The following TMEM183A variants were observed in gnomAD, a reference collection of about 807,000 sequenced individuals.
TMEM183A encodes the protein chromosome 1 open reading frame 37.
Under a neutral mutation model 46.7 loss-of-function variants are expected in TMEM183A, and 21 were observed. That is an observed-to-expected ratio of 0.45 (90% confidence interval 0.32 to 0.65). TMEM183A has a LOEUF of 0.65. Among genes scored for constraint, TMEM183A ranks in the 30% least tolerant of loss-of-function variants. The probability of loss-of-function intolerance (pLI) is 0.04; values close to 1 mark genes in which losing one functional copy is unlikely to be tolerated. For synonymous variants in TMEM183A, 165 were observed against 180.2 expected, an observed-to-expected ratio of 0.92 and a Z score of 0.68; for missense variants, 331 against 481.9, an observed-to-expected ratio of 0.69 and a Z score of 2.93.
chr1:203,007,934 T>A (rs1157878504), intron 2 of TMEM183A, 71 bp downstream of exon 2: 4 of 1,575,696 alleles, frequency 2.5e-6, no homozygotes, highest in Non-Finnish European at 3.5e-6. Context: ...TCTGTTTTTC[T>A]TGCAGTCCTT....
At chr1:203,008,001 T>C in intron 2 of TMEM183A, 138 bp downstream of exon 2, 1 of 1,031,256 alleles carries the variant, frequency 9.7e-7, no homozygotes, top group Non-Finnish European at 1.4e-6. Flanking sequence ...CATATTGGGG[T>C]GGAGGAGGAT....
In TMEM183A at chr1:203,020,912, C is replaced by T. The variant is rs150847027; in HGVS notation, c.909C>T (p.Ile303=). 8.7e-6 allele frequency: 14 copies of T among 1,605,814 alleles called. No homozygotes were observed. In the African/African-American group the frequency reaches 1.6e-4, roughly 19 times the overall value. Residue 303 remains isoleucine (I), a synonymous_variant, in exon 7 of 8, where the codon ATC becomes ATT. Transcript: ENST00000367242. ...CLLQVTTLNF[I]FIPIVMGMIF... ...TGCAGGTCACCACCCTCAATTTCATCTTTATTCCGATTGTCATGGGAATGA... is the reference window on the plus strand; with the variant it reads ...TGCAGGTCACCACCCTCAATTTCATTTTTATTCCGATTGTCATGGGAATGA...
chr1:203,012,060 T>G (rs1656654745), intron 3 of TMEM183A, among the ~76,000 whole-genome samples: 1 of 151,766 alleles, frequency 6.6e-6, no homozygotes, highest in Admixed American at 6.6e-5. Context: ...AAAAAGTTTT[T>G]TTTCTCTTTC....
At chr1:203,020,261 TG>T (rs1657542806) in intron 6 of TMEM183A, among the ~76,000 whole-genome samples, 1 of 152,194 alleles carries the variant, frequency 6.6e-6, no homozygotes, top group South Asian at 2.1e-4. Context: ...CATTAGACAC[TG>T]GTAGAAAGTC....
intron 6 of TMEM183A, among the ~76,000 whole-genome samples, chr1:203,019,236 C>T (rs1383384482): frequency 6.6e-6 from 1 of 152,060 alleles, no homozygotes; most frequent in African/African-American, 2.4e-5. Context: ...CACTTCTGGC[C>T]CCAAGCGTTT....
At chr1:203,010,200 G>A (rs546666797) in intron 3 of TMEM183A, among the ~76,000 whole-genome samples, 1 of 151,892 alleles carries the variant, frequency 6.6e-6, no homozygotes, top group Non-Finnish European at 1.5e-5. Flanking sequence ...AGATTTACCA[G>A]CACTTTCACC....
In TMEM183A at chr1:203,007,805, G is replaced by T; in HGVS notation, c.141G>T (p.Pro47=). ...TGGCGGATTACGCCAACTCGGATCC[G>T]GCGGTCGTGAGGTCTGGACGAGTCA... is the stretch of plus-strand genomic sequence containing the variant. ...VTVADYANSD[P]AVVRSGRVKK... The change falls in exon 2 of 8, where the codon CCG becomes CCT. Residue 47 remains proline (P), a synonymous_variant. Coordinates refer to ENST00000367242, the MANE Select transcript of TMEM183A (RefSeq NM_138391.6). 6.2e-7 allele frequency: 1 copy of T among 1,614,006 alleles called. No individual in the cohort carries two copies. Among genetic ancestry groups the T allele is most frequent in the South Asian group, 1.1e-5 (1 of 91,066 alleles).
chr1:203,020,344 T>C (rs1337706227), intron 6 of TMEM183A, among the ~76,000 whole-genome samples: 1 of 152,214 alleles, frequency 6.6e-6, no homozygotes, highest in African/African-American at 2.4e-5. Context: ...CTAGGATTAC[T>C]GCAGGAAAGT....
chr1:203,016,954 A>T (rs545152208), intron 5 of TMEM183A, among the ~76,000 whole-genome samples: 1 of 152,168 alleles, frequency 6.6e-6, no homozygotes, highest in African/African-American at 2.4e-5. Context: ...ATTCTCTTGT[A>T]GTTTGTTTTT....
chr1:203,015,089 A>T, intron 4 of TMEM183A, 41 bp downstream of exon 4: 1 of 1,602,076 alleles, frequency 6.2e-7, no homozygotes, highest in South Asian at 1.1e-5. Context: ...TGTGTGGCTG[A>T]TTTCATTACT....
At position 203,022,946 on chromosome 1, in the gene TMEM183A, G is replaced by A; in HGVS notation, c.1037G>A (p.Ser346Asn). Residue 346 changes from serine (S) to asparagine (N), a missense_variant, in exon 8 of 8, where the codon AGT (serine) becomes AAT (asparagine). Ser to Asn is a conservative substitution (Grantham distance 46). This residue lies in a region of TMEM183A where 233 missense variants were observed against 385.8 expected (regional missense o/e 0.60). Transcript: ENST00000367242. ...GTCCATGGTGGTCGGAAACTGCGCA[G>A]TGAACAGGGTGTGCAAGTCATCCTG... ...SPVHGGRKLR[S>N]EQGVQVILDP... 6.2e-7 allele frequency: 1 copy of A among 1,612,644 alleles called. No individual in the cohort carries two copies. The highest frequency in any genetic ancestry group is 8.5e-7 in the Non-Finnish European group (1 of 1,179,284).
At chr1:203,010,361 C>T (rs1035400406) in intron 3 of TMEM183A, among the ~76,000 whole-genome samples, 6 of 152,056 alleles carry the variant, frequency 3.9e-5, no homozygotes, top group East Asian at 3.9e-4. Context: ...TAAAACAGGT[C>T]GAGCATTCCA....
chr1:203,020,335 T>C (rs1308317078), intron 6 of TMEM183A, among the ~76,000 whole-genome samples: 1 of 152,224 alleles, frequency 6.6e-6, no homozygotes, highest in Non-Finnish European at 1.5e-5. Flanking sequence ...AAGCAGACAC[T>C]AGGATTACTG....
At chr1:203,015,884 C>G (rs542853413) in intron 4 of TMEM183A, 76 bp from the exon 5 acceptor site, 2 of 1,548,614 alleles carry the variant, frequency 1.3e-6, no homozygotes, top group South Asian at 2.5e-5. Flanking sequence ...CATACAGAGA[C>G]CAGGAGTCTT....
chr1:203,011,278 C>A (rs1005380235), intron 3 of TMEM183A, among the ~76,000 whole-genome samples: 6 of 152,170 alleles, frequency 3.9e-5, no homozygotes, highest in Non-Finnish European at 8.8e-5. Flanking sequence ...CTTATCAACA[C>A]TTGTTATTGT....
chr1:203,021,086 C>T (rs1571624975), intron 7 of TMEM183A, 138 bp downstream of exon 7: 2 of 997,432 alleles, frequency 2.0e-6, no homozygotes, highest in Non-Finnish European at 2.8e-6. Flanking sequence ...GGCTGAAGTG[C>T]AGTGATGGAA....
chr1:203,008,614 C>T (rs1435972503), intron 2 of TMEM183A, 29 bp from the exon 3 acceptor site: 1 of 1,473,418 alleles, frequency 6.8e-7, no homozygotes, highest in East Asian at 2.5e-5. Context: ...AGCTGTGTGC[C>T]ATCTCATTCT....
At chr1:203,019,684 T>A (rs546650673) in intron 6 of TMEM183A, among the ~76,000 whole-genome samples, 1 of 152,294 alleles carries the variant, frequency 6.6e-6, no homozygotes, top group African/African-American at 2.4e-5. Context: ...CTCATGTATT[T>A]CTGAACGTAA....
At chr1:203,018,208 T>C (rs550703858) in intron 5 of TMEM183A, among the ~76,000 whole-genome samples, 2 of 152,216 alleles carry the variant, frequency 1.3e-5, no homozygotes, top group Non-Finnish European at 2.9e-5. Flanking sequence ...TCTTTGAAGA[T>C]AAGACAATAG....
Sources: allele counts gnomAD v4.1 joint callset (sites outside exome capture counted in the v4.1 genomes callset), GRCh38; gene constraint gnomAD v4.1.1; regional missense constraint gnomAD v4.1.1; transcripts MANE v1.5; gene names NCBI Gene and HGNC (gene_info 2026-07-23, HGNC 2026-07-21).